Variants in SEC24A observed in about 807,000 individuals in gnomAD.
SEC24A encodes protein transport protein Sec24A.
A neutral mutation model predicts 129.4 loss-of-function variants in SEC24A; 93 were observed. The ratio of observed to expected loss-of-function variants is 0.72; its 90% CI spans 0.61 to 0.85. The LOEUF (loss-of-function observed/expected upper bound fraction) is 0.85, where lower values mean the gene tolerates loss of function less well. Ranked by LOEUF, SEC24A falls within the 40% of genes least tolerant of loss-of-function variation. The pLI, the probability that SEC24A is intolerant of heterozygous loss-of-function variation, is 0.00. For missense variants in SEC24A, 1,264 were observed against 1,307.4 expected (o/e 0.97, Z 0.51); for synonymous variants, 460 against 467.3 (o/e 0.98, Z 0.20).
intron 1 of SEC24A, among the ~76,000 whole-genome samples, chr5:134,653,536 C>T (rs527288887): frequency 6.6e-6 from 1 of 152,220 alleles, no homozygotes; most frequent in Non-Finnish European, 1.5e-5. Context: ...CAGGCATGAG[C>T]CACAACATCT....
intron 19 of SEC24A, 96 bp downstream of exon 19, chr5:134,715,257 G>A (rs1752443727): frequency 1.2e-5 from 13 of 1,064,446 alleles, no homozygotes; most frequent in South Asian, 3.1e-5. Flanking sequence ...TATTATTTAA[G>A]GCTTTAGCTT....
intron 1 of SEC24A, among the ~76,000 whole-genome samples, chr5:134,660,415 T>C (rs146751135): frequency 6.6e-6 from 1 of 152,156 alleles, no homozygotes; most frequent in African/African-American, 2.4e-5. Context: ...AATACAAATA[T>C]GAAACTAGGC....
At position 134,676,141 on chromosome 5, in the gene SEC24A, TTTC is replaced by T; in HGVS notation, c.1254+19_1254+21del. The T allele has an allele frequency of 3.2e-6, 5 of 1,573,952 alleles. No homozygotes were observed. The highest frequency in any genetic ancestry group is 2.2e-5 in the East Asian group (1 of 44,586). On this transcript the variant is annotated intron_variant, in intron 7 of 22. Coordinates refer to ENST00000398844, the MANE Select transcript of SEC24A (RefSeq NM_021982.3). ...AGACTTAGTGGTATGTTTCTTTTCTTTTCTTTTTTTTTTTTTGAGACGGAGTCT... is the reference window on the plus strand; with the variant it reads ...AGACTTAGTGGTATGTTTCTTTTCTTTTTTTTTTTTTTTGAGACGGAGTCT...
chr5:134,683,506 T>G (rs1374196295), intron 9 of SEC24A, among the ~76,000 whole-genome samples: 2 of 152,210 alleles, frequency 1.3e-5, no homozygotes, highest in Non-Finnish European at 2.9e-5. Context: ...TGCCTAATTT[T>G]TTTGTTTAAC....
At chr5:134,717,944 T>C in intron 19 of SEC24A, 125 bp from the exon 20 acceptor site, 1 of 627,844 alleles carries the variant, frequency 1.6e-6, no homozygotes, top group Non-Finnish European at 2.9e-6. Context: ...ATAAGAATAA[T>C]TGTGATTTAC....
At chr5:134,717,215 A>G (rs1468805223) in intron 19 of SEC24A, among the ~76,000 whole-genome samples, 1 of 152,046 alleles carries the variant, frequency 6.6e-6, no homozygotes, top group African/African-American at 2.4e-5. Flanking sequence ...TAAGATCAGA[A>G]GTTAATGGCC....
In SEC24A at chr5:134,723,588, AC is replaced by A; in HGVS notation, c.3086del (p.Thr1029AsnfsTer7). Reference sequence around the variant, plus strand: ...ACAGACAGACCTTCCAGAACTTGATACACCAGAATCTGCCAGAATAATAGCT... The same window carrying A: ...ACAGACAGACCTTCCAGAACTTGATAACCAGAATCTGCCAGAATAATAGCT... ...QPMTDLPELD[T>X]PESARIIAFI... On this transcript the variant is annotated frameshift_variant, in exon 22 of 23. Transcript: ENST00000398844. LOFTEE classifies it high-confidence loss of function. 1 of 1,612,626 alleles carries A rather than the reference AC, an allele frequency of 6.2e-7. No individual in the cohort carries two copies. The highest frequency in any genetic ancestry group is 8.5e-7 in the Non-Finnish European group (1 of 1,178,756).
chr5:134,702,416 T>C (rs996537080), intron 15 of SEC24A, among the ~76,000 whole-genome samples: 1 of 152,236 alleles, frequency 6.6e-6, no homozygotes, highest in African/African-American at 2.4e-5. Flanking sequence ...TTGATAAAGC[T>C]AAAGTCTTCC....
chr5:134,675,144 C>A lies in SEC24A; in HGVS notation c.1078C>A (p.Leu360Ile), dbSNP rs745358530. The A allele has an allele frequency of 2.5e-6, 4 of 1,613,634 alleles. No homozygotes were observed. The African/African-American group carries it at 4.0e-5, about 16-fold the overall frequency. Reference protein sequence around the residue: ...VVNLLQERNMLPSTPLKPPVP... With the variant: ...VVNLLQERNMIPSTPLKPPVP... The stretch of plus-strand genomic sequence containing the variant: ...CAATCTTCTTCAAGAAAGAAACATG[C>A]TTCCGTCAACACCTTTGAAGCCTCC... The change falls in exon 6 of 23, where the codon CTT becomes ATT. Residue 360 changes from leucine to isoleucine, a missense_variant. Coordinates refer to ENST00000398844, the MANE Select transcript of SEC24A (RefSeq NM_021982.3).
intron 20 of SEC24A, among the ~76,000 whole-genome samples, chr5:134,718,819 AATT>A (rs1458943927): frequency 6.6e-6 from 1 of 151,932 alleles, no homozygotes; most frequent in Non-Finnish European, 1.5e-5. Context: ...AATACAAAGA[AATT>A]AACCGAGCGT....
chr5:134,682,877 G>A (rs1277707770), intron 9 of SEC24A, among the ~76,000 whole-genome samples: 1 of 151,610 alleles, frequency 6.6e-6, no homozygotes, highest in Admixed American at 6.6e-5. Flanking sequence ...AAAATTTTAT[G>A]TTTTTAAATG....
intron 6 of SEC24A, 140 bp from the exon 7 acceptor site, chr5:134,675,883 A>C: frequency 7.4e-6 from 4 of 543,076 alleles, no homozygotes; most frequent in Non-Finnish European, 1.3e-5. Flanking sequence ...TTTAAATGGG[A>C]TAAAATTTTG....
intron 21 of SEC24A, among the ~76,000 whole-genome samples, chr5:134,723,117 C>T (rs1359574647): frequency 1.3e-5 from 2 of 152,262 alleles, no homozygotes; most frequent in East Asian, 1.9e-4. Flanking sequence ...ATGATCACAC[C>T]AGTGCACTTC....
At chr5:134,683,013 A>G (rs912072368) in intron 9 of SEC24A, among the ~76,000 whole-genome samples, 1 of 151,748 alleles carries the variant, frequency 6.6e-6, no homozygotes, top group Non-Finnish European at 1.5e-5. Context: ...CCAATATGAT[A>G]TTGGGCTCGT....
chr5:134,681,668 T>C (rs1751278867), intron 8 of SEC24A, among the ~76,000 whole-genome samples: 1 of 152,142 alleles, frequency 6.6e-6, no homozygotes, highest in African/African-American at 2.4e-5. Flanking sequence ...GAACTATAGC[T>C]TAACCTTTAG....
At chr5:134,651,098 C>CT (rs70976548) in intron 1 of SEC24A, among the ~76,000 whole-genome samples, 87,331 of 136,348 alleles carry the variant, frequency 0.64, 28,685 homozygotes, top group Middle Eastern at 0.75. Context: ...TGTATTTTGC[C>CT]TTTTTTTTTT....
chr5:134,711,031 G>A (rs1015015124), intron 18 of SEC24A, among the ~76,000 whole-genome samples: 8 of 152,158 alleles, frequency 5.3e-5, no homozygotes, highest in African/African-American at 1.9e-4. Flanking sequence ...AGCTACTTGG[G>A]AGGCTGAGGC....
intron 7 of SEC24A, 89 bp from the exon 8 acceptor site, chr5:134,679,513 C>A: frequency 1.2e-6 from 1 of 847,654 alleles, no homozygotes. Context: ...AATATCCCAA[C>A]AGTTATTTAG....
At chr5:134,669,070 T>C (rs1001696096) in intron 3 of SEC24A, among the ~76,000 whole-genome samples, 11 of 151,190 alleles carry the variant, frequency 7.3e-5, no homozygotes, top group African/African-American at 2.4e-4. Flanking sequence ...AGACTCAGTC[T>C]CAAAAAAAAG....
Sources: allele counts gnomAD v4.1 joint callset (sites outside exome capture counted in the v4.1 genomes callset), GRCh38; gene constraint gnomAD v4.1.1; transcripts MANE v1.5; gene names NCBI Gene and HGNC (gene_info 2026-07-23, HGNC 2026-07-21).